HS3ST3A1: variants seen among roughly 807,000 people sequenced by gnomAD.
HS3ST3A1 encodes heparan sulfate-glucosamine 3-sulfotransferase 3A1.
In HS3ST3A1, 19 loss-of-function variants were observed where a neutral mutation model predicts 25.7. That is an observed-to-expected ratio of 0.74 (90% CI 0.52 to 1.08). HS3ST3A1 has a LOEUF of 1.08. Among genes scored for constraint, HS3ST3A1 ranks in the 50% least tolerant of loss-of-function variants. The probability of loss-of-function intolerance (pLI) is 0.00; values close to 1 mark genes in which losing one functional copy is unlikely to be tolerated. For synonymous variants in HS3ST3A1, 226 were observed against 278.6 expected (o/e 0.81, Z 1.88); for missense variants, 459 against 594.3 (o/e 0.77, Z 2.37).
chr17:13,551,528 G>T (rs1162499164), intron 1 of HS3ST3A1, among the ~76,000 whole-genome samples: 4 of 147,664 alleles, frequency 2.7e-5, no homozygotes, highest in African/African-American at 1.0e-4. Context: ...TTCAGAAGGG[G>T]TTACTAGATA....
At chr17:13,500,704 C>G (rs977029488) in intron 1 of HS3ST3A1, among the ~76,000 whole-genome samples, 2 of 152,046 alleles carry the variant, frequency 1.3e-5, no homozygotes, top group African/African-American at 2.4e-5. Flanking sequence ...GAGACCAACA[C>G]TATAAGGAAA....
chr17:13,575,615 C>T (rs187890696), intron 1 of HS3ST3A1, among the ~76,000 whole-genome samples: 9 of 152,236 alleles, frequency 5.9e-5, no homozygotes, highest in East Asian at 5.8e-4. Flanking sequence ...CCAGATAGCA[C>T]AAGACCAAAC....
intron 1 of HS3ST3A1, among the ~76,000 whole-genome samples, chr17:13,538,332 T>C (rs902522085): frequency 3.3e-5 from 5 of 152,242 alleles, no homozygotes; most frequent in Admixed American, 1.3e-4. Context: ...CCATCCCGAT[T>C]AGCCACAGAA....
chr17:13,564,947 C>G (rs984113236), intron 1 of HS3ST3A1, among the ~76,000 whole-genome samples: 2 of 152,070 alleles, frequency 1.3e-5, no homozygotes, highest in Admixed American at 6.5e-5. Context: ...GTCGCAAACT[C>G]CTGACCTCAA....
At chr17:13,564,749 A>G (rs1354492564) in intron 1 of HS3ST3A1, among the ~76,000 whole-genome samples, 1 of 136,334 alleles carries the variant, frequency 7.3e-6, no homozygotes, top group African/African-American at 2.8e-5. Flanking sequence ...TAAGAGACAG[A>G]GTCTCACTCT....
intron 1 of HS3ST3A1, among the ~76,000 whole-genome samples, chr17:13,587,157 C>T (rs994446571): frequency 5.3e-5 from 8 of 151,232 alleles, no homozygotes; most frequent in African/African-American, 1.7e-4. Flanking sequence ...TTAAACATGC[C>T]CCTTAATAAT....
At chr17:13,561,387 T>C (rs1226896322) in intron 1 of HS3ST3A1, among the ~76,000 whole-genome samples, 1 of 150,830 alleles carries the variant, frequency 6.6e-6, no homozygotes, top group Admixed American at 6.6e-5. Flanking sequence ...ACCAGATCAT[T>C]CTTTTTTTTT....
intron 1 of HS3ST3A1, among the ~76,000 whole-genome samples, chr17:13,561,962 T>C (rs112989414): frequency 5.7e-4 from 87 of 152,174 alleles, no homozygotes; most frequent in African/African-American, 2.0e-3. Flanking sequence ...CTCAGTGGTG[T>C]GGGCTGTCAC....
At chr17:13,516,313 A>T (rs1442656737) in intron 1 of HS3ST3A1, among the ~76,000 whole-genome samples, 3 of 151,752 alleles carry the variant, frequency 2.0e-5, no homozygotes, top group African/African-American at 4.9e-5. Context: ...CTGTCTCAAA[A>T]AAATAAAAAA....
At chr17:13,596,350 C>T (rs983987963) in intron 1 of HS3ST3A1, among the ~76,000 whole-genome samples, 1 of 151,696 alleles carries the variant, frequency 6.6e-6, no homozygotes, top group Non-Finnish European at 1.5e-5. Flanking sequence ...ACTTTCCTCT[C>T]ATAAATTCCA....
chr17:13,499,446 A>G (rs1002446875), intron 1 of HS3ST3A1, among the ~76,000 whole-genome samples: 1 of 152,216 alleles, frequency 6.6e-6, no homozygotes, highest in Non-Finnish European at 1.5e-5. Context: ...AAGAGTATTT[A>G]TAGATTTTTT....
At chr17:13,530,592 CTGTT>C (rs1235837080) in intron 1 of HS3ST3A1, among the ~76,000 whole-genome samples, 3 of 152,136 alleles carry the variant, frequency 2.0e-5, no homozygotes, top group Non-Finnish European at 4.4e-5. Flanking sequence ...ATCTAACAAT[CTGTT>C]TGGTTATGAA....
chr17:13,519,292 A>C (rs1906150522), intron 1 of HS3ST3A1, among the ~76,000 whole-genome samples: 1 of 152,228 alleles, frequency 6.6e-6, no homozygotes, highest in Non-Finnish European at 1.5e-5. Flanking sequence ...AACGTTCTAA[A>C]AAGTTTGAGA....
At chr17:13,587,810 C>G (rs936165845) in intron 1 of HS3ST3A1, among the ~76,000 whole-genome samples, 1 of 151,802 alleles carries the variant, frequency 6.6e-6, no homozygotes, top group African/African-American at 2.4e-5. Flanking sequence ...AGCATATAAT[C>G]ACATTCTAGA....
intron 1 of HS3ST3A1, among the ~76,000 whole-genome samples, chr17:13,516,668 T>A (rs1278871698): frequency 6.6e-6 from 1 of 152,262 alleles, no homozygotes; most frequent in African/African-American, 2.4e-5. Context: ...TCATTTGATC[T>A]AAATATACCT....
rs1908633438 is a variant in HS3ST3A1 at position 13,598,207 on chromosome 17, A to G, written c.599+2324T>C. Among the ~76,000 whole-genome samples the G allele has an allele frequency of 4.6e-5, 7 of 152,136 alleles. No individual in the cohort carries two copies. The South Asian group carries it at 1.5e-3, about 32-fold the overall frequency. On this transcript the variant is annotated intron_variant, in intron 1 of 1. Transcript: ENST00000284110. ...ACTGAATCCCCTGTTCTAAACTATTAGCTAAATATAAGTAGCTAAAATGCA... is the reference window on the plus strand; with the variant it reads ...ACTGAATCCCCTGTTCTAAACTATTGGCTAAATATAAGTAGCTAAAATGCA...
Position 13,531,156 on chromosome 17 carries a change from C to T in HS3ST3A1, c.600-34338G>A, listed in dbSNP as rs538790875. ...AAAAGATGGCTGTGCAATTTTATCG[C>T]GATATCTTTCCTAAGTGAATTCAAA... On this transcript the variant is annotated intron_variant, in intron 1 of 1. Transcript: ENST00000284110. 4.6e-5 allele frequency among the ~76,000 whole-genome samples: 7 copies of T among 152,280 alleles called. No individual in the cohort carries two copies. In the South Asian group the frequency reaches 6.2e-4, roughly 14 times the overall value.
At chr17:13,515,796 C>T (rs994495089) in intron 1 of HS3ST3A1, among the ~76,000 whole-genome samples, 3 of 152,154 alleles carry the variant, frequency 2.0e-5, no homozygotes, top group Non-Finnish European at 4.4e-5. Flanking sequence ...ACATCCTTGT[C>T]AGCACTTAAT....
chr17:13,601,500 C>A lies in HS3ST3A1; in HGVS notation c.-371G>T. ...GGTGTCGAAGGCGTGCGTCTCAGCC[C>A]CGGCCCCGAGAGACTTCTCGGCGCG... On this transcript the variant is annotated 5_prime_UTR_variant, in exon 1 of 2. Transcript: ENST00000284110. 1 of 204,950 alleles carries A rather than the reference C, an allele frequency of 4.9e-6. No homozygotes were observed. Among genetic ancestry groups the A allele is most frequent in the Non-Finnish European group, 9.7e-6 (1 of 103,622 alleles). The allele number at this position is 204,950 out of a possible 1,614,324, so 12.7% of individuals were successfully genotyped here.
Sources: allele counts gnomAD v4.1 joint callset (sites outside exome capture counted in the v4.1 genomes callset), GRCh38; gene constraint gnomAD v4.1.1; transcripts MANE v1.5; gene names NCBI Gene and HGNC (gene_info 2026-07-23, HGNC 2026-07-21).